ASZ1: variants seen among roughly 807,000 people sequenced by gnomAD.
ASZ1 encodes ankyrin repeat, SAM and basic leucine zipper domain containing 1, also known as ankyrin repeat, SAM and basic leucine zipper domain-containing protein 1.
ASZ1 carries 67 observed loss-of-function variants against 61.8 expected under a neutral mutation model. That is an observed-to-expected ratio of 1.08 (90% CI 0.89 to 1.33). The LOEUF (loss-of-function observed/expected upper bound fraction) is 1.33, where lower values mean the gene tolerates loss of function less well. Ranked by LOEUF, ASZ1 falls within the 40% of genes most tolerant of loss-of-function variation. The pLI is 0.00. For synonymous variants in ASZ1, 193 were observed against 192.7 expected (o/e 1.00, Z -0.01); for missense variants, 577 against 554.5 (o/e 1.04, Z -0.41).
intron 4 of ASZ1, among the ~76,000 whole-genome samples, chr7:117,411,239 G>GATAACCCTAAGATATCTATCATTGTTTGC (rs1475763364): frequency 6.6e-6 from 1 of 151,748 alleles, no homozygotes; most frequent in East Asian, 1.9e-4. Context: ...AAATATGCAA[G>GATAACCCTAAGATATCTATCATTGTTTGC]ATAACCCTAA....
In ASZ1 at chr7:117,383,036, A is replaced by G. The variant is rs1796283912; in HGVS notation, c.762T>C (p.Ile254=). 1.3e-6 allele frequency: 2 copies of G among 1,590,690 alleles called. No individual in the cohort carries two copies. Among genetic ancestry groups the G allele is most frequent in the Non-Finnish European group, 1.7e-6 (2 of 1,170,448 alleles). ...KLQQLTKEDT[I]CKILTTDSDR... is the part of the protein sequence containing the mutation. Reference sequence around the variant, plus strand: ...CAGAATCTGTTGTCAATATTTTACAAATAGTGTCTTCTTTAGTTAGCTGTT... The same window carrying G: ...CAGAATCTGTTGTCAATATTTTACAGATAGTGTCTTCTTTAGTTAGCTGTT... The change falls in exon 7 of 13, where the codon ATT becomes ATC. Residue 254 remains isoleucine (I), a synonymous_variant. Transcript: ENST00000284629.
intron 3 of ASZ1, among the ~76,000 whole-genome samples, chr7:117,421,781 C>G (rs1218177117): frequency 1.3e-5 from 2 of 152,102 alleles, no homozygotes; most frequent in Admixed American, 6.5e-5. Context: ...TGCTCATATA[C>G]TCTTGTTCTT....
In ASZ1 at chr7:117,427,306, C is replaced by A. The variant is rs745711180; in HGVS notation, c.105+50G>T. The A allele has an allele frequency of 2.5e-6, 4 of 1,588,914 alleles. No homozygotes were observed. In the South Asian group the frequency reaches 4.4e-5, roughly 18 times the overall value. On this transcript the variant is annotated intron_variant, in intron 1 of 12. Coordinates refer to ENST00000284629, the MANE Select transcript of ASZ1 (RefSeq NM_130768.3). ...CGAGGCTGGGCCTCGCCTTCGAGGG[C>A]CAGGGGAGGCTGAAACCAGGTGTGG...
At chr7:117,364,739 T>C (rs898002964) in intron 12 of ASZ1, among the ~76,000 whole-genome samples, 1 of 152,212 alleles carries the variant, frequency 6.6e-6, no homozygotes, top group Non-Finnish European at 1.5e-5. Context: ...CAGACTCCAA[T>C]GCCAATCTCA....
At chr7:117,368,285 A>G in intron 11 of ASZ1, 2 of 985,964 alleles carry the variant, frequency 2.0e-6, no homozygotes, top group Non-Finnish European at 2.4e-6. Context: ...TGGTTTTTAA[A>G]TAACACACTG....
intron 4 of ASZ1, among the ~76,000 whole-genome samples, chr7:117,390,432 G>A (rs1023494947): frequency 6.6e-6 from 1 of 152,114 alleles, no homozygotes; most frequent in African/African-American, 2.4e-5. Flanking sequence ...GCCTCCCAAA[G>A]GGCTGGGATT....
chr7:117,419,386 C>A (rs1797058379), intron 4 of ASZ1, among the ~76,000 whole-genome samples: 3 of 152,010 alleles, frequency 2.0e-5, no homozygotes, highest in Admixed American at 1.3e-4. Flanking sequence ...AGAAACTGAA[C>A]CAATTTAGAA....
chr7:117,420,174 A>T lies in ASZ1; in HGVS notation c.429T>A (p.Asn143Lys). The T allele has an allele frequency of 6.2e-7, 1 of 1,610,098 alleles. No homozygotes were observed. Among genetic ancestry groups the T allele is most frequent in the South Asian group, 1.1e-5 (1 of 90,710 alleles). Residue 143 changes from asparagine to lysine, a missense_variant, in exon 4 of 13, where the codon AAT becomes AAA. Asn to Lys is a moderately conservative substitution (Grantham distance 94). Coordinates refer to ENST00000284629, the MANE Select transcript of ASZ1 (RefSeq NM_130768.3). ...ATAAAGGCTCTTACCTACAAGCAAC[A>T]TTTGGATCAGCATTTCTTGAAAGTA... ...ELLLSRNADPNVACRRLMTPI... is the reference protein window; with the variant it reads ...ELLLSRNADPKVACRRLMTPI...
At chr7:117,411,966 A>G (rs1384567694) in intron 4 of ASZ1, among the ~76,000 whole-genome samples, 1 of 151,780 alleles carries the variant, frequency 6.6e-6, no homozygotes, top group Non-Finnish European at 1.5e-5. Context: ...AATAAGGAAT[A>G]TTAAGCAGCT....
chr7:117,384,001 C>CTT (rs1185759189), intron 6 of ASZ1, among the ~76,000 whole-genome samples: 18 of 152,076 alleles, frequency 1.2e-4, no homozygotes, highest in African/African-American at 4.3e-4. Context: ...GTAAAAGTGG[C>CTT]TTGGTTTGAT....
intron 4 of ASZ1, among the ~76,000 whole-genome samples, chr7:117,388,593 T>C (rs965283772): frequency 6.6e-6 from 1 of 152,108 alleles, no homozygotes; most frequent in African/African-American, 2.4e-5. Context: ...AATCCAACAT[T>C]TATTTCTAAC....
In ASZ1 at chr7:117,383,314, C is replaced by T. The variant is rs541862164; in HGVS notation, c.688-204G>A. Among the ~76,000 whole-genome samples the T allele has an allele frequency of 7.6e-4, 115 of 151,780 alleles. 1 individual carries two copies. The highest frequency in any genetic ancestry group is 1.5e-3 in the Non-Finnish European group (99 of 67,878). ...TTGTATATATTTTGGGGGGTACATG[C>T]GATATTTTGATACACATATACAATG... On this transcript the variant is annotated intron_variant, in intron 6 of 12. Transcript: ENST00000284629.
intron 4 of ASZ1, among the ~76,000 whole-genome samples, chr7:117,406,182 A>C (rs1796778830): frequency 6.6e-6 from 1 of 152,226 alleles, no homozygotes; most frequent in Non-Finnish European, 1.5e-5. Context: ...AAAGAAAGTA[A>C]TGCTAACCTA....
At position 117,363,640 on chromosome 7, in the gene ASZ1, C is replaced by T. The variant is rs199934920; in HGVS notation, c.1384G>A (p.Gly462Ser). Residue 462 changes from glycine (G) to serine (S), a missense_variant, in exon 13 of 13, where the codon GGT becomes AGT. Coordinates refer to ENST00000284629, the MANE Select transcript of ASZ1 (RefSeq NM_130768.3). ...AGCTTGCAAATGAAAAGAAGAAAAC[C>T]GAATCCGCATATGGTAATAGCTGTC... ...KRTAITICGF[G>S]FLLFICKLTF... 8.9e-4 allele frequency: 1,421 copies of T among 1,602,172 alleles called. 3 individuals are homozygous for T. Among genetic ancestry groups the T allele is most frequent in the South Asian group, 3.2e-3 (284 of 88,298 alleles).
In ASZ1 at chr7:117,409,874, A is replaced by T. The variant is rs547084103; in HGVS notation, c.440+10289T>A. ...GAAAATGCATGTTTAACTAGATTAG[A>T]ATTAAGGAATGGATGAGGACCATAT... On this transcript the variant is annotated intron_variant, in intron 4 of 12. Coordinates refer to ENST00000284629, the MANE Select transcript of ASZ1 (RefSeq NM_130768.3). 2.2e-4 allele frequency among the ~76,000 whole-genome samples: 34 copies of T among 151,876 alleles called. No individual in the cohort carries two copies. The South Asian group carries it at 6.4e-3, about 29-fold the overall frequency.
rs750456547 is a variant in ASZ1, at chr7:117,379,934, T to C, written c.1055+4A>G. 6.5e-7 allele frequency: 1 copy of C among 1,544,748 alleles called. No homozygotes were observed. The highest frequency in any genetic ancestry group is 1.1e-5 in the South Asian group (1 of 88,492). On this transcript the variant is annotated splice_donor_region_variant and intron_variant, in intron 10 of 12. Coordinates refer to ENST00000284629, the MANE Select transcript of ASZ1 (RefSeq NM_130768.3). ...AATAATATAAACAAATAAGTTAATT[T>C]TACCTGATTTCCAACTTTGTCTCTT...
chr7:117,422,012 T>C (rs1309861727), intron 3 of ASZ1, among the ~76,000 whole-genome samples: 1 of 152,204 alleles, frequency 6.6e-6, no homozygotes, highest in Non-Finnish European at 1.5e-5. Context: ...AGATATATAA[T>C]AACAACCAGT....
At chr7:117,383,207 G>T in intron 6 of ASZ1, 97 bp from the exon 7 acceptor site, 2 of 1,283,030 alleles carry the variant, frequency 1.6e-6, no homozygotes, top group Non-Finnish European at 2.0e-6. Flanking sequence ...TATCCAGAAA[G>T]GAAATTTTAG....
chr7:117,415,553 T>C (rs1310951138), intron 4 of ASZ1, among the ~76,000 whole-genome samples: 2 of 152,196 alleles, frequency 1.3e-5, no homozygotes, highest in Non-Finnish European at 2.9e-5. Flanking sequence ...TATTAGTTAA[T>C]GTTAGTCTCT....
Sources: allele counts gnomAD v4.1 joint callset (sites outside exome capture counted in the v4.1 genomes callset), GRCh38; gene constraint gnomAD v4.1.1; transcripts MANE v1.5; gene names NCBI Gene and HGNC (gene_info 2026-07-23, HGNC 2026-07-21).